LUZP2: variants seen among roughly 807,000 people sequenced by gnomAD.
The protein encoded by LUZP2 is leucine zipper protein 2.
In LUZP2, 52 loss-of-function variants were observed where a neutral mutation model predicts 51.6. The observed-to-expected ratio is 1.01, with a 90% CI of 0.81 to 1.27. The LOEUF is 1.27. Among genes scored for constraint, LUZP2 ranks in the 50% most tolerant of loss-of-function variants. The pLI is 0.00. For synonymous variants in LUZP2, 154 were observed against 137.3 expected (o/e 1.12, Z -0.85); for missense variants, 436 against 395.4 (o/e 1.10, Z -0.87).
chr11:24,623,434 A>G (rs1854571560), intron 1 of LUZP2, among the ~76,000 whole-genome samples: 1 of 152,174 alleles, frequency 6.6e-6, no homozygotes, highest in African/African-American at 2.4e-5. Flanking sequence ...TTCATATAGA[A>G]GTTGAATGGA....
intron 1 of LUZP2, among the ~76,000 whole-genome samples, chr11:24,541,293 C>T (rs539342098): frequency 2.7e-5 from 4 of 147,894 alleles, no homozygotes; most frequent in Admixed American, 1.4e-4. Flanking sequence ...GAGGTGATGG[C>T]ATTCGCCTAC....
At chr11:24,629,564 A>ATATATATT (rs1439173507) in intron 1 of LUZP2, among the ~76,000 whole-genome samples, 13 of 147,532 alleles carry the variant, frequency 8.8e-5, no homozygotes, top group Admixed American at 3.4e-4. Context: ...ATATATATAT[A>ATATATATT]TATACCATAT....
At chr11:25,016,142 G>A (rs151105324) in intron 9 of LUZP2, among the ~76,000 whole-genome samples, 2,873 of 152,002 alleles carry the variant, frequency 0.019, 45 homozygotes, top group Non-Finnish European at 0.031. Flanking sequence ...GGATGGTCTC[G>A]ATCTCCTGAC....
intron 5 of LUZP2, 145 bp from the exon 6 acceptor site, chr11:24,905,846 G>C (rs1853435348): frequency 4.2e-6 from 2 of 470,644 alleles, no homozygotes; most frequent in Admixed American, 7.6e-5. Context: ...TTACAGATTT[G>C]ATTCAGTTTT....
At chr11:24,680,591 T>G (rs1856701618) in intron 1 of LUZP2, among the ~76,000 whole-genome samples, 1 of 152,184 alleles carries the variant, frequency 6.6e-6, no homozygotes. Context: ...GTCTGCAGAA[T>G]TGATGAGTTA....
intron 4 of LUZP2, among the ~76,000 whole-genome samples, chr11:24,762,654 T>C (rs1219530438): frequency 1.3e-5 from 2 of 152,168 alleles, no homozygotes; most frequent in Non-Finnish European, 2.9e-5. Flanking sequence ...CTTGACCACT[T>C]ACTATACTAC....
At chr11:24,565,257 A>G (rs954267638) in intron 1 of LUZP2, among the ~76,000 whole-genome samples, 3 of 151,970 alleles carry the variant, frequency 2.0e-5, no homozygotes, top group African/African-American at 7.3e-5. Flanking sequence ...CCAGAAAAGC[A>G]GATGCATTAA....
At chr11:24,839,873 T>A (rs1237628268) in intron 5 of LUZP2, among the ~76,000 whole-genome samples, 1 of 151,748 alleles carries the variant, frequency 6.6e-6, no homozygotes, top group Non-Finnish European at 1.5e-5. Context: ...CTCTTGATAT[T>A]GATATGCAGT....
intron 9 of LUZP2, among the ~76,000 whole-genome samples, chr11:25,035,828 T>A (rs1857840066): frequency 6.6e-6 from 1 of 152,132 alleles, no homozygotes. Flanking sequence ...TACTTGATGA[T>A]GGTATATTTA....
intron 1 of LUZP2, among the ~76,000 whole-genome samples, chr11:24,552,845 A>T (rs1026548765): frequency 3.3e-5 from 5 of 151,812 alleles, no homozygotes; most frequent in Non-Finnish European, 7.4e-5. Context: ...AGTCTTTTAT[A>T]CTAATAATCT....
At chr11:24,964,154 A>C (rs1855511560) in intron 7 of LUZP2, among the ~76,000 whole-genome samples, 1 of 152,120 alleles carries the variant, frequency 6.6e-6, no homozygotes, top group Non-Finnish European at 1.5e-5. Flanking sequence ...TTTTCACCAC[A>C]TTCCTGCCAA....
At chr11:24,659,732 A>T (rs1262760639) in intron 1 of LUZP2, among the ~76,000 whole-genome samples, 1 of 152,142 alleles carries the variant, frequency 6.6e-6, no homozygotes, top group East Asian at 1.9e-4. Context: ...AAATATTTTT[A>T]AAATTGTGAT....
chr11:24,727,631 G>A (rs6484071), intron 1 of LUZP2, among the ~76,000 whole-genome samples: 86,458 of 151,808 alleles, frequency 0.57, 25,885 homozygotes, highest in Non-Finnish European at 0.66. Flanking sequence ...AAATTGGAAG[G>A]AAATAAAAAC....
chr11:24,901,473 A>G (rs960842524), intron 5 of LUZP2, among the ~76,000 whole-genome samples: 2 of 152,138 alleles, frequency 1.3e-5, no homozygotes, highest in African/African-American at 2.4e-5. Context: ...CTTTAAGAAA[A>G]CTATTTGAGA....
chr11:24,921,138 T>C (rs2133815824), intron 7 of LUZP2, among the ~76,000 whole-genome samples: 1 of 152,084 alleles, frequency 6.6e-6, no homozygotes, highest in Middle Eastern at 3.4e-3. Flanking sequence ...GGAGTGGTTT[T>C]AGGAATGAAA....
At chr11:25,057,592 C>T (rs1461342223) in intron 10 of LUZP2, among the ~76,000 whole-genome samples, 3 of 152,128 alleles carry the variant, frequency 2.0e-5, no homozygotes, top group East Asian at 1.9e-4. Context: ...GAATTAAAGA[C>T]ATTGAACATT....
rs148160628 is a variant in LUZP2 at position 24,646,276 on chromosome 11, CA to C, written c.63-82890del. ...ATTAGATATCTGATTTTCAAAAAAC[CA>C]AATTATTTTCTACAAATGCTTATAA... On this transcript the variant is annotated intron_variant, in intron 1 of 11. Transcript: ENST00000336930. Among the ~76,000 whole-genome samples the C allele has an allele frequency of 8.3e-3, 1,261 of 152,018 alleles. 16 individuals carry two copies. The highest frequency in any genetic ancestry group is 0.028 in the African/African-American group (1,178 of 41,476).
chr11:25,024,586 A>G (rs1378730995), intron 9 of LUZP2, among the ~76,000 whole-genome samples: 1 of 152,166 alleles, frequency 6.6e-6, no homozygotes, highest in Non-Finnish European at 1.5e-5. Flanking sequence ...AATCCAACTT[A>G]CAAAGGATGT....
At chr11:24,530,762 CTTTTTTTTTT>C (rs367857815) in intron 1 of LUZP2, among the ~76,000 whole-genome samples, 1 of 75,372 alleles carries the variant, frequency 1.3e-5, no homozygotes, top group Non-Finnish European at 2.7e-5. Flanking sequence ...CTTCTTCTTA[CTTTTTTTTTT>C]TTTTTTTTTT....
Sources: allele counts gnomAD v4.1 joint callset (sites outside exome capture counted in the v4.1 genomes callset), GRCh38; gene constraint gnomAD v4.1.1; transcripts MANE v1.5; gene names NCBI Gene and HGNC (gene_info 2026-07-23, HGNC 2026-07-21).